Variants in PCDHB11 observed in about 807,000 individuals in gnomAD.
PCDHB11 encodes the protein protocadherin beta-11.
For missense variants in PCDHB11, 1,151 were observed against 1,003.4 expected (o/e 1.15, Z -1.99); for synonymous variants, 522 against 442.0 (o/e 1.18, Z -2.27).
In PCDHB11 at chr5:141,203,711, A is replaced by C. The variant is rs1420901295; in HGVS notation, c.*1543A>C. The C allele has an allele frequency of 1.3e-5, 2 of 152,162 alleles. No individual in the cohort carries two copies. Among genetic ancestry groups the C allele is most frequent in the African/African-American group, 4.8e-5 (2 of 41,430 alleles). The allele number at this position is 152,162 out of a possible 1,614,324, so 9.4% of individuals were successfully genotyped here. Reference sequence around the variant, plus strand: ...TGTATATATATATATAGAGAGAGAGAGAGATCATGGCTTATAATCCAAACA... The same window carrying C: ...TGTATATATATATATAGAGAGAGAGCGAGATCATGGCTTATAATCCAAACA... On this transcript the variant is annotated 3_prime_UTR_variant, in exon 1 of 1. Coordinates refer to ENST00000354757, the MANE Select transcript of PCDHB11 (RefSeq NM_018931.3).
At position 141,199,925 on chromosome 5, in the gene PCDHB11, G is replaced by A. The variant is rs139793689; in HGVS notation, c.151G>A (p.Asp51Asn). 3.3e-5 allele frequency: 53 copies of A among 1,614,196 alleles called. 1 individual carries two copies. The African/African-American group carries it at 5.2e-4, about 16-fold the overall frequency. The change falls in exon 1 of 1, where the codon GAC becomes AAC. Residue 51 changes from aspartate (D) to asparagine (N), a missense_variant. Transcript: ENST00000354757. The part of the protein sequence containing the change: ...SGSFVGNLAK[D>N]LGLKVRELSS... Reference sequence around the variant, plus strand: ...GAGTTTTGTAGGCAATCTGGCAAAGGACCTGGGGCTGAAGGTGAGAGAACT... The same window carrying A: ...GAGTTTTGTAGGCAATCTGGCAAAGAACCTGGGGCTGAAGGTGAGAGAACT...
Position 141,202,359 on chromosome 5 carries a change from G to A in PCDHB11, c.*191G>A, listed in dbSNP as rs1171762881. On this transcript the variant is annotated 3_prime_UTR_variant, in exon 1 of 1. Coordinates refer to ENST00000354757, the MANE Select transcript of PCDHB11 (RefSeq NM_018931.3). ...CTGTCGCCCTGGCTGGAGTGCAATG[G>A]TGTGATCTCAGCTCACTGCACCCTC... 2 of 541,382 alleles carry A rather than the reference G, an allele frequency of 3.7e-6. No homozygotes were observed. The highest frequency in any genetic ancestry group is 5.0e-4 in the Middle Eastern group (1 of 2,004). The allele number at this position is 541,382 out of a possible 1,614,324, so 33.5% of individuals were successfully genotyped here. A position where few individuals can be genotyped will look rare whatever the true frequency, so the allele number is the denominator to read the frequency against.
Position 141,201,586 on chromosome 5 carries a change from C to T in PCDHB11, c.1812C>T (p.Tyr604=), listed in dbSNP as rs1754192828. The part of the protein sequence containing the change: ...GDSGQNAWLS[Y]QLLKATEPGL... ...CGGGCCAGAACGCCTGGCTGTCGTA[C>T]CAGCTGCTCAAGGCCACGGAGCCCG... The change falls in exon 1 of 1, where the codon TAC becomes TAT. Residue 604 remains tyrosine (Y), a synonymous_variant. Coordinates refer to ENST00000354757, the MANE Select transcript of PCDHB11 (RefSeq NM_018931.3). 4 of 1,608,228 alleles carry T rather than the reference C, an allele frequency of 2.5e-6. No individual in the cohort carries two copies. The highest frequency in any genetic ancestry group is 2.7e-5 in the African/African-American group (2 of 74,940).
rs782253435 is a variant in PCDHB11, at chr5:141,200,114, A to G, written c.340A>G (p.Thr114Ala). The G allele has an allele frequency of 4.1e-5, 66 of 1,614,066 alleles. No homozygotes were observed. Among genetic ancestry groups the G allele is most frequent in the Middle Eastern group, 3.3e-4 (2 of 6,084 alleles). ...LHLQVLMQNP[T>A]QFLQIELQVR... ...TTTGCAGGTGTTAATGCAAAACCCC[A>G]CGCAGTTTTTACAAATTGAGCTTCA... The change falls in exon 1 of 1, where the codon ACG (threonine) becomes GCG (alanine). Residue 114 changes from threonine to alanine, a missense_variant. By Grantham distance (58) the Thr-to-Ala change is moderately conservative. Transcript: ENST00000354757.
At position 141,199,762 on chromosome 5, in the gene PCDHB11, C is replaced by A. The variant is rs782245767; in HGVS notation, c.-13C>A. On this transcript the variant is annotated 5_prime_UTR_variant, in exon 1 of 1. Transcript: ENST00000354757. ...CTGAAGCCTTTCTTCAAGAAGCCTA[C>A]AAGAAAGGAACTATGGAGAACCAAG... The A allele has an allele frequency of 1.9e-6, 3 of 1,606,102 alleles. No individual in the cohort carries two copies. The African/African-American group carries it at 4.0e-5, about 22-fold the overall frequency.
At position 141,201,387 on chromosome 5, in the gene PCDHB11, C is replaced by A. The variant is rs1554285585; in HGVS notation, c.1613C>A (p.Ser538Tyr). ...DFRVGATDRG[S>Y]PALSSEALVR... Reference sequence around the variant, plus strand: ...CGCGTGGGCGCCACAGACCGCGGCTCCCCGGCTTTGAGCAGCGAGGCGCTG... The same window carrying A: ...CGCGTGGGCGCCACAGACCGCGGCTACCCGGCTTTGAGCAGCGAGGCGCTG... The change falls in exon 1 of 1, where the codon TCC (serine) becomes TAC (tyrosine). Residue 538 changes from serine (S) to tyrosine (Y), a missense_variant. Coordinates refer to ENST00000354757, the MANE Select transcript of PCDHB11 (RefSeq NM_018931.3). 2 of 1,612,480 alleles carry A rather than the reference C, an allele frequency of 1.2e-6. No individual in the cohort carries two copies. Among genetic ancestry groups the A allele is most frequent in the Non-Finnish European group, 1.7e-6 (2 of 1,179,862 alleles).
rs61739523 is a variant in PCDHB11, at chr5:141,201,751, A to T, written c.1977A>T (p.Gln659His). The change falls in exon 1 of 1, where the codon CAA becomes CAT. Residue 659 changes from glutamine (Q) to histidine (H), a missense_variant. Transcript: ENST00000354757. Reference sequence around the variant, plus strand: ...CGCGCTCGGCCACCGCCACGCTGCAAGTGCTCCTGGTGGACGGCTTCTCCC... The same window carrying T: ...CGCGCTCGGCCACCGCCACGCTGCATGTGCTCCTGGTGGACGGCTTCTCCC... ...EPPRSATATLQVLLVDGFSQP... is the reference protein window; with the variant it reads ...EPPRSATATLHVLLVDGFSQP... 20 of 1,608,794 alleles carry T rather than the reference A, an allele frequency of 1.2e-5. No homozygotes were observed. The highest frequency in any genetic ancestry group is 4.0e-5 in the African/African-American group (3 of 74,778).
In PCDHB11 at chr5:141,200,125, A is replaced by T; in HGVS notation, c.351A>T (p.Leu117Phe). ...TAATGCAAAACCCCACGCAGTTTTT[A>T]CAAATTGAGCTTCAGGTCAGGGATA... ...QVLMQNPTQFLQIELQVRDIN... is the reference protein window; with the variant it reads ...QVLMQNPTQFFQIELQVRDIN... The change falls in exon 1 of 1, where the codon TTA (leucine) becomes TTT (phenylalanine). Residue 117 changes from leucine to phenylalanine, a missense_variant. Transcript: ENST00000354757. The T allele has an allele frequency of 2.5e-6, 4 of 1,614,148 alleles. No individual in the cohort carries two copies. Among genetic ancestry groups the T allele is most frequent in the Non-Finnish European group, 3.4e-6 (4 of 1,180,020 alleles).
rs782717296 is a variant in PCDHB11 at position 141,200,151 on chromosome 5, T to C, written c.377T>C (p.Ile126Thr). The change falls in exon 1 of 1, where the codon ATA (isoleucine) becomes ACA (threonine). Residue 126 changes from isoleucine (I) to threonine (T), a missense_variant. Physicochemically the swap from Ile to Thr is moderately conservative, Grantham distance 89. Transcript: ENST00000354757. ...FLQIELQVRD[I>T]NDHSPIFSEK... ...CAAATTGAGCTTCAGGTCAGGGATA[T>C]AAATGATCACTCTCCCATCTTCTCG... The C allele has an allele frequency of 2.5e-6, 4 of 1,614,110 alleles. No homozygotes were observed. Among genetic ancestry groups the C allele is most frequent in the Non-Finnish European group, 3.4e-6 (4 of 1,180,024 alleles).
Position 141,201,917 on chromosome 5 carries a change from A to G in PCDHB11, c.2143A>G (p.Arg715Gly). 1 of 1,612,868 alleles carries G rather than the reference A, an allele frequency of 6.2e-7. No individual in the cohort carries two copies. The highest frequency in any genetic ancestry group is 2.2e-5 in the East Asian group (1 of 44,836). Residue 715 changes from arginine to glycine, a missense_variant, in exon 1 of 1, where the codon AGG becomes GGG. Transcript: ENST00000354757. Reference protein sequence around the residue: ...VLLFVAVRLCRRSRAASVGSC... With the variant: ...VLLFVAVRLCGRSRAASVGSC... ...CCTGTTCGTGGCGGTGCGGCTGTGC[A>G]GGAGGAGCAGGGCGGCCTCGGTGGG...
Position 141,200,822 on chromosome 5 carries a change from T to C in PCDHB11, c.1048T>C (p.Ser350Pro), listed in dbSNP as rs1406563254. Residue 350 changes from serine to proline, a missense_variant, in exon 1 of 1, where the codon TCA becomes CCA. Ser to Pro is a moderately conservative substitution (Grantham distance 74, BLOSUM62 -1). Coordinates refer to ENST00000354757, the MANE Select transcript of PCDHB11 (RefSeq NM_018931.3). ...VNDNAPEITVSSITSPIPENT... is the reference protein window; with the variant it reads ...VNDNAPEITVPSITSPIPENT... ...TGACAATGCTCCTGAAATCACTGTG[T>C]CATCAATTACCAGTCCAATCCCAGA... 1 of 1,614,192 alleles carries C rather than the reference T, an allele frequency of 6.2e-7. No individual in the cohort carries two copies. The highest frequency in any genetic ancestry group is 8.5e-7 in the Non-Finnish European group (1 of 1,180,030).
At position 141,200,477 on chromosome 5, in the gene PCDHB11, AT is replaced by A; in HGVS notation, c.705del (p.Asn236MetfsTer14). The A allele has an allele frequency of 6.2e-7, 1 of 1,614,120 alleles. No homozygotes were observed. The highest frequency in any genetic ancestry group is 1.1e-5 in the South Asian group (1 of 91,068). On this transcript the variant is annotated frameshift_variant, in exon 1 of 1. Transcript: ENST00000354757. LOFTEE classifies it low-confidence loss of function (END_TRUNC). ...TALVRVVVVDINDNSPEFEQA... is the reference protein window; with the variant it reads ...TALVRVVVVDXNDNSPEFEQA... ...CTTGGTCAGGGTGGTGGTTGTGGAC[AT>A]TAATGACAACTCCCCTGAATTTGAG...
In PCDHB11 at chr5:141,201,713, A is replaced by G. The variant is rs782060386; in HGVS notation, c.1939A>G (p.Asn647Asp). Residue 647 changes from asparagine to aspartate, a missense_variant, in exon 1 of 1, where the codon AAT becomes GAT. Transcript: ENST00000354757. ...KHRLVVLVKD[N>D]GEPPRSATAT... Reference sequence around the variant, plus strand: ...CAGGCTGGTGGTGCTGGTCAAGGACAATGGCGAGCCTCCGCGCTCGGCCAC... The same window carrying G: ...CAGGCTGGTGGTGCTGGTCAAGGACGATGGCGAGCCTCCGCGCTCGGCCAC... 2 of 1,607,272 alleles carry G rather than the reference A, an allele frequency of 1.2e-6. No homozygotes were observed. Among genetic ancestry groups the G allele is most frequent in the African/African-American group, 2.7e-5 (2 of 74,848 alleles).
Position 141,199,805 on chromosome 5 carries a change from A to T in PCDHB11, c.31A>T (p.Ile11Leu), listed in dbSNP as rs782283304. 6.2e-7 allele frequency: 1 copy of T among 1,614,238 alleles called. No homozygotes were observed. The highest frequency in any genetic ancestry group is 2.2e-5 in the East Asian group (1 of 44,884). The stretch of plus-strand genomic sequence containing the variant: ...GAACCAAGGGACACGCACTCAGCAG[A>T]TAAGGCAAGTCCTGCTTCTCTTTGT... MENQGTRTQQ[I>L]RQVLLLFVLL... The change falls in exon 1 of 1, where the codon ATA becomes TTA. Residue 11 changes from isoleucine (I) to leucine (L), a missense_variant. By Grantham distance (5) the Ile-to-Leu change is conservative. Coordinates refer to ENST00000354757, the MANE Select transcript of PCDHB11 (RefSeq NM_018931.3).
Position 141,200,829 on chromosome 5 carries a change from T to C in PCDHB11, c.1055T>C (p.Ile352Thr). 1 of 1,614,178 alleles carries C rather than the reference T, an allele frequency of 6.2e-7. No individual in the cohort carries two copies. Among genetic ancestry groups the C allele is most frequent in the Non-Finnish European group, 8.5e-7 (1 of 1,180,028 alleles). Residue 352 changes from isoleucine (I) to threonine (T), a missense_variant, in exon 1 of 1, where the codon ATT becomes ACT. Physicochemically the swap from Ile to Thr is moderately conservative, Grantham distance 89. Transcript: ENST00000354757. ...GCTCCTGAAATCACTGTGTCATCAA[T>C]TACCAGTCCAATCCCAGAAAATACG... ...DNAPEITVSSITSPIPENTPE... is the reference protein window; with the variant it reads ...DNAPEITVSSTTSPIPENTPE...
At position 141,201,599 on chromosome 5, in the gene PCDHB11, G is replaced by C. The variant is rs781893724; in HGVS notation, c.1825G>C (p.Ala609Pro). ...CTGGCTGTCGTACCAGCTGCTCAAG[G>C]CCACGGAGCCCGGGCTATTCGGCGT... ...NAWLSYQLLK[A>P]TEPGLFGVWA... The change falls in exon 1 of 1, where the codon GCC becomes CCC. Residue 609 changes from alanine (A) to proline (P), a missense_variant. Coordinates refer to ENST00000354757, the MANE Select transcript of PCDHB11 (RefSeq NM_018931.3). 17 of 1,608,216 alleles carry C rather than the reference G, an allele frequency of 1.1e-5. No individual in the cohort carries two copies. The highest frequency in any genetic ancestry group is 2.2e-5 in the South Asian group (2 of 90,912).
At position 141,200,236 on chromosome 5, in the gene PCDHB11, A is replaced by T; in HGVS notation, c.462A>T (p.Leu154=). 6.2e-7 allele frequency: 1 copy of T among 1,614,186 alleles called. No homozygotes were observed. Among genetic ancestry groups the T allele is most frequent in the African/African-American group, 1.3e-5 (1 of 75,056 alleles). ...ENSPVGAVFL[L]ESAKDLDVGI... ...GTCCCGTTGGTGCTGTGTTCTTACTAGAAAGTGCGAAGGATTTAGATGTAG... is the reference window on the plus strand; with the variant it reads ...GTCCCGTTGGTGCTGTGTTCTTACTTGAAAGTGCGAAGGATTTAGATGTAG... Residue 154 remains leucine, a synonymous_variant, in exon 1 of 1, where the codon CTA becomes CTT. Transcript: ENST00000354757.
In PCDHB11 at chr5:141,201,106, CA is replaced by C. The variant is rs35333043; in HGVS notation, c.1334del (p.Asn445MetfsTer97). ...ACACAACTGTGTTGGTCTCTGACGT[CA>C]ATGACAACGCCCCCACCTTCACCCA... is the stretch of plus-strand genomic sequence containing the variant. ...HNTTVLVSDVNDNAPTFTQTS... is the reference protein window; with the variant it reads ...HNTTVLVSDVXDNAPTFTQTS... On this transcript the variant is annotated frameshift_variant, in exon 1 of 1. Transcript: ENST00000354757. LOFTEE classifies it low-confidence loss of function (END_TRUNC). 1.9e-6 allele frequency: 3 copies of C among 1,614,166 alleles called. No individual in the cohort carries two copies. The South Asian group carries it at 3.3e-5, about 18-fold the overall frequency.
chr5:141,202,384 C>T lies in PCDHB11; in HGVS notation c.*216C>T, dbSNP rs186865320. On this transcript the variant is annotated 3_prime_UTR_variant, in exon 1 of 1. Coordinates refer to ENST00000354757, the MANE Select transcript of PCDHB11 (RefSeq NM_018931.3). Reference sequence around the variant, plus strand: ...GTGTGATCTCAGCTCACTGCACCCTCCGCCTCTCGGGTTCAAGCAATTCTC... The same window carrying T: ...GTGTGATCTCAGCTCACTGCACCCTTCGCCTCTCGGGTTCAAGCAATTCTC... 3.5e-3 allele frequency: 1,392 copies of T among 395,838 alleles called. 10 individuals are homozygous for T. The highest frequency in any genetic ancestry group is 0.013 in the Middle Eastern group (18 of 1,428). 24.5% of individuals were successfully genotyped at this position (395,838 alleles called of 1,614,324 possible).
Sources: allele counts gnomAD v4.1 joint callset, GRCh38; gene constraint gnomAD v4.1.1; transcripts MANE v1.5; gene names NCBI Gene and HGNC (gene_info 2026-07-23, HGNC 2026-07-21).